Variants in COL23A1 observed in about 807,000 individuals in gnomAD.
COL23A1 encodes the protein collagen alpha-1(XXIII) chain.
Under a neutral mutation model 99.3 loss-of-function variants are expected in COL23A1, and 97 were observed. That is an observed-to-expected ratio of 0.98 (90% CI 0.83 to 1.16). The LOEUF is 1.16. Among genes scored for constraint, COL23A1 ranks in the 50% most tolerant of loss-of-function variants. The pLI is 0.00. For synonymous variants in COL23A1, 320 were observed against 308.2 expected, an observed-to-expected ratio of 1.04 and a Z score of -0.40; for missense variants, 762 against 757.4, an observed-to-expected ratio of 1.01 and a Z score of -0.07.
chr5:178,515,075 C>T (rs1180036392), intron 2 of COL23A1, among the ~76,000 whole-genome samples: 1 of 152,262 alleles, frequency 6.6e-6, no homozygotes, highest in African/African-American at 2.4e-5. Context: ...ATGGATCCCA[C>T]CCAAGAGCCA....
chr5:178,485,508 C>T (rs562434508), intron 2 of COL23A1, among the ~76,000 whole-genome samples: 1 of 150,588 alleles, frequency 6.6e-6, no homozygotes, highest in Admixed American at 6.6e-5. Flanking sequence ...TGTGGTGGCT[C>T]ATGCCTGTAA....
intron 2 of COL23A1, among the ~76,000 whole-genome samples, chr5:178,368,828 T>C (rs958092916): frequency 6.6e-6 from 1 of 152,248 alleles, no homozygotes; most frequent in Non-Finnish European, 1.5e-5. Context: ...TCCTGGGCTA[T>C]AAGGTCACGG....
At chr5:178,422,940 G>C (rs968416561) in intron 2 of COL23A1, among the ~76,000 whole-genome samples, 1 of 152,052 alleles carries the variant, frequency 6.6e-6, no homozygotes, top group African/African-American at 2.4e-5. Flanking sequence ...TCAGTGGAAA[G>C]TACAGTTTGA....
chr5:178,290,491 T>C, intron 3 of COL23A1, 122 bp from the exon 4 acceptor site: 1 of 1,285,596 alleles, frequency 7.8e-7, no homozygotes, highest in Non-Finnish European at 1.1e-6. Context: ...CCGGAAGGCT[T>C]TGATGCTGCC....
intron 5 of COL23A1, 68 bp from the exon 6 acceptor site, chr5:178,270,431 C>T: frequency 6.3e-7 from 1 of 1,575,452 alleles, no homozygotes; most frequent in Non-Finnish European, 8.7e-7. Context: ...TCTTATGACC[C>T]AGGTGCACTA....
At chr5:178,315,276 A>G (rs1166726241) in intron 2 of COL23A1, among the ~76,000 whole-genome samples, 1 of 152,016 alleles carries the variant, frequency 6.6e-6, no homozygotes, top group African/African-American at 2.4e-5. Context: ...GCATCTCCCC[A>G]AGGGCTCCGG....
chr5:178,470,246 G>A (rs1212202992), intron 2 of COL23A1, among the ~76,000 whole-genome samples: 2 of 152,166 alleles, frequency 1.3e-5, no homozygotes, highest in African/African-American at 2.4e-5. Context: ...GCCATCCAGC[G>A]TCTGTCCCTC....
intron 2 of COL23A1, among the ~76,000 whole-genome samples, chr5:178,494,197 C>T (rs746108303): frequency 3.3e-5 from 5 of 152,190 alleles, no homozygotes; most frequent in Non-Finnish European, 4.4e-5. Flanking sequence ...GAAAATCTTA[C>T]AACATTCCTC....
intron 2 of COL23A1, among the ~76,000 whole-genome samples, chr5:178,330,469 A>T (rs1260676769): frequency 1.3e-5 from 2 of 152,294 alleles, no homozygotes; most frequent in Admixed American, 1.3e-4. Context: ...CAACTTGGGC[A>T]ACATGGTGAG....
intron 2 of COL23A1, among the ~76,000 whole-genome samples, chr5:178,411,055 TTAA>T (rs1256752321): frequency 5.3e-5 from 8 of 152,122 alleles, no homozygotes; most frequent in Admixed American, 3.9e-4. Flanking sequence ...CTCAACACTA[TTAA>T]TCATGCAACA....
intron 2 of COL23A1, among the ~76,000 whole-genome samples, chr5:178,480,537 TC>T (rs755476920): frequency 3.9e-5 from 6 of 152,220 alleles, no homozygotes; most frequent in Admixed American, 6.5e-5. Flanking sequence ...CTGTGAGCAT[TC>T]TTTCATTATT....
chr5:178,541,533 C>A (rs1441572857), intron 2 of COL23A1, among the ~76,000 whole-genome samples: 1 of 152,154 alleles, frequency 6.6e-6, no homozygotes, highest in Non-Finnish European at 1.5e-5. Context: ...TGAGACCTTG[C>A]CACTGCACTC....
At chr5:178,461,629 CAG>C (rs1343763480) in intron 2 of COL23A1, among the ~76,000 whole-genome samples, 1 of 152,240 alleles carries the variant, frequency 6.6e-6, no homozygotes, top group Non-Finnish European at 1.5e-5. Flanking sequence ...TCCTTACAAA[CAG>C]AAGCTCCTGC....
At chr5:178,240,682 T>C (rs1207469770) in intron 27 of COL23A1, among the ~76,000 whole-genome samples, 1 of 152,218 alleles carries the variant, frequency 6.6e-6, no homozygotes, top group Non-Finnish European at 1.5e-5. Context: ...CTTTTCTCAT[T>C]GACTTCTCAA....
At chr5:178,282,170 T>A (rs891345605) in intron 5 of COL23A1, among the ~76,000 whole-genome samples, 1 of 152,080 alleles carries the variant, frequency 6.6e-6, no homozygotes, top group African/African-American at 2.4e-5. Context: ...GGACATTTCA[T>A]TACCAGGGGA....
At chr5:178,250,186 G>A (rs1561789751) in intron 17 of COL23A1, 81 bp from the exon 18 acceptor site, 1 of 1,541,878 alleles carries the variant, frequency 6.5e-7, no homozygotes, top group African/African-American at 1.4e-5. Context: ...AGGACACACT[G>A]TGCACCCGGC....
chr5:178,471,725 C>G (rs190099707), intron 2 of COL23A1, among the ~76,000 whole-genome samples: 2 of 152,248 alleles, frequency 1.3e-5, no homozygotes, highest in Admixed American at 1.3e-4. Context: ...CTCTCACACC[C>G]CTGCCCTCAT....
chr5:178,321,996 CTTTT>C (rs34320293), intron 2 of COL23A1, among the ~76,000 whole-genome samples: 1 of 142,594 alleles, frequency 7.0e-6, no homozygotes. Context: ...TAATTTTTAA[CTTTT>C]TTTTTTTTTT....
intron 2 of COL23A1, among the ~76,000 whole-genome samples, chr5:178,484,881 GATAA>G (rs1486657183): frequency 6.7e-6 from 1 of 149,152 alleles, no homozygotes; most frequent in Non-Finnish European, 1.5e-5. Flanking sequence ...CTTTCTTTCT[GATAA>G]ATAAAAGCCC....
Sources: gnomAD v4.1 joint callset for allele counts (sites outside exome capture counted in the v4.1 genomes callset) on GRCh38, gnomAD v4.1.1 for gene constraint, MANE v1.5 for transcripts, NCBI Gene and HGNC (gene_info 2026-07-23, HGNC 2026-07-21) for gene names.